Variants in EPS8L2 observed in about 807,000 individuals in gnomAD.
The protein encoded by EPS8L2 is EPS8 signaling adaptor L2, also known as epidermal growth factor receptor kinase substrate 8-like protein 2.
In EPS8L2, 81 loss-of-function variants were observed where a neutral mutation model predicts 99.4. That is an observed-to-expected ratio of 0.82 (90% CI 0.68 to 0.98). The LOEUF (loss-of-function observed/expected upper bound fraction) is 0.98, where lower values mean the gene tolerates loss of function less well. Among genes scored for constraint, EPS8L2 ranks in the 50% least tolerant of loss-of-function variants. The pLI is 0.00. For synonymous variants in EPS8L2, 509 were observed against 407.3 expected (o/e 1.25, Z -3.01); for missense variants, 1,155 against 968.8 (o/e 1.19, Z -2.55).
chr11:717,315 A>T (rs1384215339), intron 4 of EPS8L2, among the ~76,000 whole-genome samples: 1 of 152,008 alleles, frequency 6.6e-6, no homozygotes, highest in Non-Finnish European at 1.5e-5. Flanking sequence ...CACTTCTTTA[A>T]CCTGTTGATG....
chr11:710,496 C>CA lies in EPS8L2; in HGVS notation c.165+10_165+11insA. 6.2e-7 allele frequency: 1 copy of CA among 1,612,904 alleles called. No homozygotes were observed. ...GCAGTACCACGTCCAGGTAAGGCCC[C>CA]GCCCCCAGGTAGGCTCCGCCCCCAG... On this transcript the variant is annotated intron_variant, in intron 4 of 20. Transcript: ENST00000318562.
At chr11:719,787 C>G (rs1195941139) in intron 4 of EPS8L2, among the ~76,000 whole-genome samples, 3 of 152,156 alleles carry the variant, frequency 2.0e-5, no homozygotes, top group Non-Finnish European at 4.4e-5. Flanking sequence ...GGTACTGAGC[C>G]TGCACCAGGA....
chr11:712,871 C>T (rs1861927267), intron 4 of EPS8L2, among the ~76,000 whole-genome samples: 1 of 152,242 alleles, frequency 6.6e-6, no homozygotes, highest in Non-Finnish European at 1.5e-5. Flanking sequence ...AGGCACAGAG[C>T]AGTGGCCGAG....
At chr11:725,480 C>T (rs562772407) in intron 16 of EPS8L2, among the ~76,000 whole-genome samples, 2 of 152,312 alleles carry the variant, frequency 1.3e-5, no homozygotes, top group Non-Finnish European at 2.9e-5. Flanking sequence ...CACTGCATTC[C>T]AGCCTGGGCG....
At chr11:723,204 C>T in intron 14 of EPS8L2, 37 bp from the exon 15 acceptor site, 1 of 1,186,078 alleles carries the variant, frequency 8.4e-7, no homozygotes, top group African/African-American at 1.5e-5. Flanking sequence ...CCCAGCCCCG[C>T]CCCATGTCTA....
chr11:720,548 G>T, intron 5 of EPS8L2, 49 bp from the exon 6 acceptor site: 1 of 1,568,540 alleles, frequency 6.4e-7, no homozygotes, highest in Non-Finnish European at 8.6e-7. Flanking sequence ...CTCCCTGCCA[G>T]AGTGCCCAGA....
chr11:726,557 G>C (rs1166944381), intron 19 of EPS8L2, 62 bp from the exon 20 acceptor site: 5 of 1,509,310 alleles, frequency 3.3e-6, no homozygotes, highest in Non-Finnish European at 4.4e-6. Flanking sequence ...CGCAGCTGTC[G>C]GGGCGGGCGC....
intron 4 of EPS8L2, among the ~76,000 whole-genome samples, chr11:716,216 T>G (rs1480035963): frequency 6.6e-6 from 1 of 150,806 alleles, no homozygotes; most frequent in Non-Finnish European, 1.5e-5. Context: ...TGGCACCATC[T>G]CAGCTCACAG....
At chr11:720,336 T>G (rs1862122525) in intron 5 of EPS8L2, 113 bp downstream of exon 5, 4 of 1,213,902 alleles carry the variant, frequency 3.3e-6, no homozygotes, top group Non-Finnish European at 4.6e-6. Context: ...CCATGCCCTA[T>G]CATTCTGGTC....
Position 721,545 on chromosome 11 carries a change from C to T in EPS8L2, c.769-20C>T. 6.5e-7 allele frequency: 1 copy of T among 1,531,650 alleles called. No individual in the cohort carries two copies. The highest frequency in any genetic ancestry group is 8.8e-7 in the Non-Finnish European group (1 of 1,141,448). The allele number at this position is 1,531,650 out of a possible 1,614,324, so 94.9% of individuals were successfully genotyped here. ...GGTGGGGAGTGTCAGGGGCTGACCC[C>T]TGACCCCCTCTGACCCCAGCAAATC... On this transcript the variant is annotated intron_variant, in intron 9 of 20. Transcript: ENST00000318562.
intron 7 of EPS8L2, 33 bp downstream of exon 7, chr11:720,942 G>GCGGGGAGGGGAGGAGCCGGC: frequency 1.2e-6 from 1 of 862,316 alleles, no homozygotes; most frequent in Non-Finnish European, 1.6e-6. Context: ...GTCGCAGGGG[G>GCGGGGAGGGGAGGAGCCGGC]CGGGGAGGGG....
intron 15 of EPS8L2, 57 bp downstream of exon 15, chr11:723,410 C>A: frequency 1.3e-6 from 1 of 764,730 alleles, no homozygotes; most frequent in African/African-American, 1.8e-5. Flanking sequence ...AACCTACAGT[C>A]TCTAAAAACA....
rs202056992 is a variant in EPS8L2, at chr11:721,649, C to G, written c.853C>G (p.Gln285Glu). ...AGCCGAGGCTTTCAAGCAGCTGAACCAGCGGAAAAAGGGGAAGAAGAAGGG... is the reference window on the plus strand; with the variant it reads ...AGCCGAGGCTTTCAAGCAGCTGAACGAGCGGAAAAAGGGGAAGAAGAAGGG... ...KAAEAFKQLNQRKKGKKKGKK... is the reference protein window; with the variant it reads ...KAAEAFKQLNERKKGKKKGKK... The change falls in exon 10 of 21, where the codon CAG (glutamine) becomes GAG (glutamate). Residue 285 changes from glutamine to glutamate, a missense_variant. Physicochemically the swap from Gln to Glu is conservative, Grantham distance 29 (BLOSUM62 2). Coordinates refer to ENST00000318562, the MANE Select transcript of EPS8L2 (RefSeq NM_022772.4). 6 of 1,584,726 alleles carry G rather than the reference C, an allele frequency of 3.8e-6. No individual in the cohort carries two copies. Among genetic ancestry groups the G allele is most frequent in the Middle Eastern group, 1.7e-4 (1 of 5,908 alleles).
In EPS8L2 at chr11:721,078, A is replaced by T; in HGVS notation, c.572A>T (p.Lys191Met). 3 of 1,468,670 alleles carry T rather than the reference A, an allele frequency of 2.0e-6. No homozygotes were observed. Among genetic ancestry groups the T allele is most frequent in the Non-Finnish European group, 1.8e-6 (2 of 1,104,512 alleles). 91.0% of individuals were successfully genotyped at this position (1,468,670 alleles called of 1,614,324 possible). A position where few individuals can be genotyped will look rare whatever the true frequency, so the allele number is the denominator to read the frequency against. ...RPQTLKGHQE[K>M]IRQRQSILPP... ...TCGCCCTCCAGGGGACACCAGGAGA[A>T]GATTCGGCAGCGGCAGTCCATCCTG... The change falls in exon 8 of 21, where the codon AAG (lysine) becomes ATG (methionine). Residue 191 changes from lysine to methionine, a missense_variant. Transcript: ENST00000318562.
In EPS8L2 at chr11:713,565, G is replaced by A. The variant is rs561022880; in HGVS notation, c.165+3079G>A. Among the ~76,000 whole-genome samples the A allele has an allele frequency of 2.5e-4, 38 of 152,164 alleles. No individual in the cohort carries two copies. In the Middle Eastern group the frequency reaches 0.014, roughly 54 times the overall value. On this transcript the variant is annotated intron_variant, in intron 4 of 20. Transcript: ENST00000318562. ...CCTGGCTAAATTTTTTTTTCTCTGA[G>A]ACAGAGTCTCACCCTGTCACCTAGG...
rs184626351 is a variant in EPS8L2 at position 715,782 on chromosome 11, A to G, written c.166-4280A>G. 1.4e-3 allele frequency among the ~76,000 whole-genome samples: 203 copies of G among 146,654 alleles called. 6 individuals carry two copies. The East Asian group carries it at 0.037, about 27-fold the overall frequency. ...ACTACAGGTGCCCACCACCACGCCC[A>G]GCTAATTTTTTGTATTTTTAGTAGA... On this transcript the variant is annotated intron_variant, in intron 4 of 20. Transcript: ENST00000318562.
chr11:716,444 CAA>C (rs1163614002), intron 4 of EPS8L2, among the ~76,000 whole-genome samples: 2 of 152,106 alleles, frequency 1.3e-5, no homozygotes, highest in Admixed American at 1.3e-4. Flanking sequence ...TCAGTACAGA[CAA>C]GAGTTTTGCC....
chr11:711,437 C>T (rs1861888268), intron 4 of EPS8L2, among the ~76,000 whole-genome samples: 1 of 152,112 alleles, frequency 6.6e-6, no homozygotes, highest in African/African-American at 2.4e-5. Flanking sequence ...CCTCCGCCTC[C>T]TGGACTCAAG....
rs1257330047 is a variant in EPS8L2, at chr11:726,959, AGAG to A, written c.2131_2133del (p.Arg711del). ...ATGAACAAGTTTCATTCCATGAATC[AGAG>A]GAGGGGGGAGGACAGCTAGGCCCAG... On this transcript the variant is annotated inframe_deletion, in exon 21 of 21. Coordinates refer to ENST00000318562, the MANE Select transcript of EPS8L2 (RefSeq NM_022772.4). The A allele has an allele frequency of 3.7e-6, 6 of 1,613,364 alleles. No individual in the cohort carries two copies. The South Asian group carries it at 5.5e-5, about 15-fold the overall frequency.
Sources: gnomAD v4.1 joint callset for allele counts (sites outside exome capture counted in the v4.1 genomes callset) on GRCh38, gnomAD v4.1.1 for gene constraint, MANE v1.5 for transcripts, NCBI Gene and HGNC (gene_info 2026-07-23, HGNC 2026-07-21) for gene names.